Variants in ATRNL1 observed in about 807,000 individuals in gnomAD.
ATRNL1 encodes attractin-like protein 1.
In ATRNL1, 95 loss-of-function variants were observed where a neutral mutation model predicts 182.7. The ratio of observed to expected loss-of-function variants is 0.52; its 90% CI spans 0.44 to 0.62. ATRNL1 has a LOEUF of 0.62. Ranked by LOEUF, ATRNL1 falls within the 20% of genes least tolerant of loss-of-function variation. The pLI, the probability that ATRNL1 is intolerant of heterozygous loss-of-function variation, is 0.00. For missense variants in ATRNL1, 1,471 were observed against 1,679.5 expected, an observed-to-expected ratio of 0.88 and a Z score of 2.17; for synonymous variants, 576 against 568.3, an observed-to-expected ratio of 1.01 and a Z score of -0.19.
At chr10:115,403,711 C>A (rs1298044532) in intron 20 of ATRNL1, among the ~76,000 whole-genome samples, 1 of 152,168 alleles carries the variant, frequency 6.6e-6, no homozygotes, top group African/African-American at 2.4e-5. Context: ...CTTGGCCTAC[C>A]AAAGTCCTGG....
chr10:115,209,792 A>G (rs905557606), intron 8 of ATRNL1, among the ~76,000 whole-genome samples: 14 of 152,036 alleles, frequency 9.2e-5, no homozygotes, highest in African/African-American at 2.4e-4. Context: ...CTTAGAGCAT[A>G]TATACATTTC....
intron 26 of ATRNL1, among the ~76,000 whole-genome samples, chr10:115,645,689 A>G (rs1190289211): frequency 6.6e-6 from 1 of 152,018 alleles, no homozygotes; most frequent in Non-Finnish European, 1.5e-5. Context: ...ATTGACAATA[A>G]CAGACATTAG....
Position 115,853,643 on chromosome 10 carries a change from G to A in ATRNL1, c.4018+5652G>A, listed in dbSNP as rs140739587. ...CTTAGCACTTTCTTTGTTAGAGGTGGCTAGAATAAGAAATAGAACTACTGA... is the reference window on the plus strand; with the variant it reads ...CTTAGCACTTTCTTTGTTAGAGGTGACTAGAATAAGAAATAGAACTACTGA... On this transcript the variant is annotated intron_variant, in intron 28 of 28. Transcript: ENST00000355044. Among the ~76,000 whole-genome samples, 414 of 152,220 alleles carry A rather than the reference G, an allele frequency of 2.7e-3. 1 individual carries two copies. Among genetic ancestry groups the A allele is most frequent in the African/African-American group, 9.8e-3 (406 of 41,532 alleles).
At chr10:115,463,418 A>G (rs1324850050) in intron 22 of ATRNL1, among the ~76,000 whole-genome samples, 4 of 152,132 alleles carry the variant, frequency 2.6e-5, no homozygotes, top group African/African-American at 9.6e-5. Context: ...CTGTTTCTAC[A>G]TAGATATATT....
rs560143680 is a variant in ATRNL1, at chr10:115,672,138, C to T, written c.3796-55110C>T. Among the ~76,000 whole-genome samples, 35 of 152,112 alleles carry T rather than the reference C, an allele frequency of 2.3e-4. No individual in the cohort carries two copies. In the South Asian group the frequency reaches 4.1e-3, roughly 18 times the overall value. ...CTTTTAATGATAAAAACAACAATTACGACTACCATTTATATATGCCCAGCC... is the reference window on the plus strand; with the variant it reads ...CTTTTAATGATAAAAACAACAATTATGACTACCATTTATATATGCCCAGCC... On this transcript the variant is annotated intron_variant, in intron 26 of 28. Coordinates refer to ENST00000355044, the MANE Select transcript of ATRNL1 (RefSeq NM_207303.4).
Position 115,856,428 on chromosome 10 carries a change from C to CAAAAAAAAAAAAAAAAAAAAAAA in ATRNL1, c.4018+8459_4018+8460insAAAAAAAAAAAAAAAAAAAAAAA, listed in dbSNP as rs572743389. ...GGGCAACAAGAGCGAAGCTCCATCT[C>CAAAAAAAAAAAAAAAAAAAAAAA]AAAAAAAAAAAAAAAAAAAAAAGCC... On this transcript the variant is annotated intron_variant, in intron 28 of 28. Coordinates refer to ENST00000355044, the MANE Select transcript of ATRNL1 (RefSeq NM_207303.4). Among the ~76,000 whole-genome samples, 169 of 22,532 alleles carry CAAAAAAAAAAAAAAAAAAAAAAA rather than the reference C, an allele frequency of 7.5e-3. 65 individuals carry two copies. Among genetic ancestry groups the CAAAAAAAAAAAAAAAAAAAAAAA allele is most frequent in the Non-Finnish European group, 1.0e-2 (121 of 12,130 alleles). 14.8% of individuals were successfully genotyped at this position (22,532 alleles called of 152,430 possible).
intron 24 of ATRNL1, among the ~76,000 whole-genome samples, chr10:115,512,653 A>T (rs140408330): frequency 1.3e-5 from 2 of 152,010 alleles, no homozygotes; most frequent in East Asian, 3.9e-4. Flanking sequence ...AATATGAACA[A>T]GGCTACTGTT....
At chr10:115,445,588 AT>A (rs1174118714) in intron 21 of ATRNL1, among the ~76,000 whole-genome samples, 52 of 120,726 alleles carry the variant, frequency 4.3e-4, no homozygotes, top group African/African-American at 1.5e-3. Context: ...GATGTCTGTA[AT>A]TTTTTTTAAC....
intron 26 of ATRNL1, among the ~76,000 whole-genome samples, chr10:115,604,761 A>G (rs782147710): frequency 1.5e-4 from 23 of 152,106 alleles, no homozygotes; most frequent in Non-Finnish European, 3.1e-4. Flanking sequence ...TTCTCTGCCT[A>G]TTGTCTAATA....
chr10:115,377,147 G>C (rs1398661307), intron 19 of ATRNL1, among the ~76,000 whole-genome samples: 5 of 151,982 alleles, frequency 3.3e-5, no homozygotes, highest in Admixed American at 6.6e-5. Flanking sequence ...GTATGGTTTG[G>C]CTGTGTCCCT....
At chr10:115,925,079 AT>A (rs1315550006) in intron 28 of ATRNL1, among the ~76,000 whole-genome samples, 1 of 152,026 alleles carries the variant, frequency 6.6e-6, no homozygotes, top group East Asian at 1.9e-4. Flanking sequence ...AATGCTTGTG[AT>A]TTTTGCACAT....
At chr10:115,289,869 C>T (rs1852808494) in intron 15 of ATRNL1, among the ~76,000 whole-genome samples, 1 of 152,054 alleles carries the variant, frequency 6.6e-6, no homozygotes, top group Non-Finnish European at 1.5e-5. Flanking sequence ...TATTAGGGCT[C>T]TTTTTTGTTC....
At chr10:115,929,021 A>C (rs987445864) in intron 28 of ATRNL1, among the ~76,000 whole-genome samples, 2 of 152,050 alleles carry the variant, frequency 1.3e-5, no homozygotes, top group Admixed American at 1.3e-4. Context: ...ACTATTCACA[A>C]AGCCCATTTT....
chr10:115,826,021 T>G (rs1401009597), intron 27 of ATRNL1, among the ~76,000 whole-genome samples: 1 of 152,180 alleles, frequency 6.6e-6, no homozygotes, highest in African/African-American at 2.4e-5. Context: ...TAATTAAGCT[T>G]TTGGTCATTT....
intron 21 of ATRNL1, among the ~76,000 whole-genome samples, chr10:115,448,806 A>T (rs530812994): frequency 1.3e-5 from 2 of 152,242 alleles, no homozygotes; most frequent in Admixed American, 1.3e-4. Flanking sequence ...AGTTGAAAGT[A>T]ATGGCAAAAA....
intron 9 of ATRNL1, among the ~76,000 whole-genome samples, chr10:115,220,142 C>T (rs1241665698): frequency 5.3e-5 from 8 of 152,116 alleles, no homozygotes; most frequent in African/African-American, 1.9e-4. Flanking sequence ...CACATGTCAC[C>T]TTTTGAACTG....
intron 19 of ATRNL1, among the ~76,000 whole-genome samples, chr10:115,342,479 C>G (rs1278045295): frequency 6.6e-6 from 1 of 152,080 alleles, no homozygotes; most frequent in Non-Finnish European, 1.5e-5. Flanking sequence ...AATAAAAACT[C>G]TATACCTTAA....
chr10:115,336,979 G>A (rs1448669137), intron 19 of ATRNL1, among the ~76,000 whole-genome samples: 2 of 696 alleles, frequency 2.9e-3, no homozygotes, highest in Non-Finnish European at 0.018. Context: ...CCAAGTAGCT[G>A]GGGGGGGGGG....
intron 26 of ATRNL1, among the ~76,000 whole-genome samples, chr10:115,549,860 A>G (rs1242078629): frequency 6.6e-6 from 1 of 151,916 alleles, no homozygotes; most frequent in African/African-American, 2.4e-5. Context: ...GACATACTTT[A>G]TTTTTCATAA....
Sources: gnomAD v4.1 joint callset for allele counts (sites outside exome capture counted in the v4.1 genomes callset) on GRCh38, gnomAD v4.1.1 for gene constraint, MANE v1.5 for transcripts, NCBI Gene and HGNC (gene_info 2026-07-23, HGNC 2026-07-21) for gene names.